SLC39A10: variants seen among roughly 807,000 people sequenced by gnomAD.
SLC39A10 encodes the protein solute carrier family 39 member 10, also known as zinc transporter ZIP10.
A neutral mutation model predicts 65.1 loss-of-function variants in SLC39A10; 13 were observed. The observed-to-expected ratio is 0.20, with a 90% CI of 0.13 to 0.32. The LOEUF (loss-of-function observed/expected upper bound fraction) is 0.32, where lower values mean the gene tolerates loss of function less well. SLC39A10 is among the 10% of genes least tolerant of loss of function. The pLI is 1.00. For missense variants in SLC39A10, 831 were observed against 1,018.4 expected (o/e 0.82, Z 2.50); for synonymous variants, 321 against 342.2 (o/e 0.94, Z 0.68).
At chr2:195,671,159 T>C (rs1371299074) in intron 1 of SLC39A10, among the ~76,000 whole-genome samples, 1 of 152,194 alleles carries the variant, frequency 6.6e-6, no homozygotes, top group Non-Finnish European at 1.5e-5. Flanking sequence ...AAGAGAATAT[T>C]AGTGAACTTC....
intron 1 of SLC39A10, among the ~76,000 whole-genome samples, chr2:195,673,054 A>G (rs1041490555): frequency 1.3e-5 from 2 of 152,172 alleles, no homozygotes; most frequent in Admixed American, 1.3e-4. Context: ...AAAACATCTC[A>G]AACTTAATGC....
chr2:195,633,394 A>T (rs989967276), intron 2 of SLC39A10, among the ~76,000 whole-genome samples: 1 of 152,224 alleles, frequency 6.6e-6, no homozygotes, highest in African/African-American at 2.4e-5. Flanking sequence ...AGCGTCTAAG[A>T]GGGAATACCG....
At chr2:195,629,227 T>TACAC (rs1230434548) in intron 2 of SLC39A10, among the ~76,000 whole-genome samples, 2 of 151,072 alleles carry the variant, frequency 1.3e-5, no homozygotes, top group Non-Finnish European at 3.0e-5. Context: ...TCTCTAAAAA[T>TACAC]ACACACACAC....
intron 8 of SLC39A10, among the ~76,000 whole-genome samples, chr2:195,721,087 G>C: frequency 6.6e-6 from 1 of 152,056 alleles, no homozygotes; most frequent in East Asian, 1.9e-4. Context: ...GACTACAGGC[G>C]TGCACCACCA....
rs56083232 is a variant in SLC39A10, at chr2:195,732,446, G to T, written c.2338-2437G>T. 2.3e-3 allele frequency among the ~76,000 whole-genome samples: 343 copies of T among 152,286 alleles called. 3 individuals are homozygous for T. The highest frequency in any genetic ancestry group is 7.9e-3 in the African/African-American group (330 of 41,558). On this transcript the variant is annotated intron_variant, in intron 9 of 9. Transcript: ENST00000359634. Reference sequence around the variant, plus strand: ...ATTTTAAACAAATATGGCCATACCGGTAGGTGTTGGTTGGCTCTTAGCTGT... The same window carrying T: ...ATTTTAAACAAATATGGCCATACCGTTAGGTGTTGGTTGGCTCTTAGCTGT...
intron 1 of SLC39A10, 41 bp downstream of exon 1, chr2:195,657,322 G>C: frequency 1.1e-6 from 1 of 936,142 alleles, no homozygotes. Flanking sequence ...CCCTCCCCCA[G>C]AACCGGCCCC....
At chr2:195,679,460 G>A (rs565187782) in intron 1 of SLC39A10, among the ~76,000 whole-genome samples, 4 of 152,186 alleles carry the variant, frequency 2.6e-5, no homozygotes, top group South Asian at 2.1e-4. Context: ...CATCTTAGCC[G>A]TTCTTGGCCC....
chr2:195,718,323 C>T lies in SLC39A10; in HGVS notation c.2137C>T (p.His713Tyr). 6.2e-7 allele frequency: 1 copy of T among 1,606,524 alleles called. No homozygotes were observed. The highest frequency in any genetic ancestry group is 8.5e-7 in the Non-Finnish European group (1 of 1,174,482). The change falls in exon 8 of 10, where the codon CAT becomes TAT. Residue 713 changes from histidine to tyrosine, a missense_variant. This residue lies in a region of SLC39A10 where 120 missense variants were observed against 203.9 expected (regional missense o/e 0.59). Coordinates refer to ENST00000359634, the MANE Select transcript of SLC39A10 (RefSeq NM_020342.3). ...SIAVFCHELP[H>Y]ELGDFAVLLK... ...AGCCGTCTTCTGTCATGAACTGCCA[C>T]ATGAATTAGGTAATATAACCTTAAA...
chr2:195,632,121 G>A (rs1269526001), intron 2 of SLC39A10, among the ~76,000 whole-genome samples: 1 of 149,600 alleles, frequency 6.7e-6, no homozygotes, highest in Non-Finnish European at 1.5e-5. Context: ...TCAAACTCTT[G>A]GACTCAAGTG....
At chr2:195,724,837 A>G (rs1249665526) in intron 8 of SLC39A10, among the ~76,000 whole-genome samples, 1 of 152,192 alleles carries the variant, frequency 6.6e-6, no homozygotes, top group Non-Finnish European at 1.5e-5. Context: ...AAGGAACTTG[A>G]ATAGCCAGTA....
rs752494033 is a variant in SLC39A10 at position 195,737,542 on chromosome 2, C to CTTTTG, written c.*2511_*2515dup. On this transcript the variant is annotated 3_prime_UTR_variant, in exon 10 of 10. Coordinates refer to ENST00000359634, the MANE Select transcript of SLC39A10 (RefSeq NM_020342.3). ...GGTGATTCTTGCTAAAATATCTAAA[C>CTTTTG]TTTTGTTTTGTTTTAACTGAATCAT... The CTTTTG allele has an allele frequency of 1.1e-3, 187 of 170,902 alleles. 2 individuals carry two copies. Among genetic ancestry groups the CTTTTG allele is most frequent in the East Asian group, 5.3e-3 (32 of 6,062 alleles). 10.6% of individuals were successfully genotyped at this position (170,902 alleles called of 1,614,324 possible).
Position 195,716,942 on chromosome 2 carries a change from A to C in SLC39A10, c.2002A>C (p.Asn668His). 1 of 1,614,200 alleles carries C rather than the reference A, an allele frequency of 6.2e-7. No individual in the cohort carries two copies. The highest frequency in any genetic ancestry group is 1.7e-5 in the Admixed American group (1 of 60,030). ...CGATCTGAAAGAAACAGGAATAGCT[A>C]ATATAGCCTGGATGGTGATCATGGG... ...GSDLKETGIA[N>H]IAWMVIMGDG... The change falls in exon 7 of 10, where the codon AAT becomes CAT. Residue 668 changes from asparagine (N) to histidine (H), a missense_variant. Coordinates refer to ENST00000359634, the MANE Select transcript of SLC39A10 (RefSeq NM_020342.3).
chr2:195,626,777 G>T (rs1397891565), intron 2 of SLC39A10, among the ~76,000 whole-genome samples: 3 of 152,104 alleles, frequency 2.0e-5, no homozygotes, highest in Non-Finnish European at 4.4e-5. Context: ...TAAAAAGAAT[G>T]CCAGGTAAAA....
At chr2:195,713,310 A>G in intron 5 of SLC39A10, 123 bp from the exon 6 acceptor site, 5 of 791,236 alleles carry the variant, frequency 6.3e-6, no homozygotes, top group Non-Finnish European at 5.4e-6. Context: ...ACGCCCCTTT[A>G]AAATAATTTA....
At chr2:195,689,873 G>A (rs1433657203) in intron 3 of SLC39A10, among the ~76,000 whole-genome samples, 1 of 152,114 alleles carries the variant, frequency 6.6e-6, no homozygotes, top group Admixed American at 6.5e-5. Context: ...CATCCATGTT[G>A]TAGCATCAGC....
chr2:195,674,738 T>C (rs1256065786), intron 1 of SLC39A10: 7 of 775,482 alleles, frequency 9.0e-6, no homozygotes, highest in East Asian at 1.3e-4. Flanking sequence ...TCATAGAGTA[T>C]ACTTAGACAA....
chr2:195,613,667 T>C (rs537124748), intron 2 of SLC39A10, among the ~76,000 whole-genome samples: 2 of 152,232 alleles, frequency 1.3e-5, no homozygotes, highest in Non-Finnish European at 2.9e-5. Flanking sequence ...ATTAAAGCTT[T>C]TAGACTGTCT....
chr2:195,644,498 C>T (rs2105707811), intron 2 of SLC39A10, among the ~76,000 whole-genome samples: 1 of 152,006 alleles, frequency 6.6e-6, no homozygotes, highest in Non-Finnish European at 1.5e-5. Flanking sequence ...TGCACCACCA[C>T]ACCCGGCTAA....
chr2:195,630,945 T>C (rs1445427973), intron 2 of SLC39A10, among the ~76,000 whole-genome samples: 1 of 152,188 alleles, frequency 6.6e-6, no homozygotes, highest in Admixed American at 6.5e-5. Context: ...TCCCAGCACT[T>C]TGGGAGGCCG....
Sources: gnomAD v4.1 joint callset for allele counts (sites outside exome capture counted in the v4.1 genomes callset) on GRCh38, gnomAD v4.1.1 for gene constraint, gnomAD v4.1.1 regional missense constraint, MANE v1.5 for transcripts, NCBI Gene and HGNC (gene_info 2026-07-23, HGNC 2026-07-21) for gene names.